LAMA4: variants seen among roughly 807,000 people sequenced by gnomAD.
The protein encoded by LAMA4 is laminin subunit alpha-4.
A neutral mutation model predicts 207.1 loss-of-function variants in LAMA4; 127 were observed. The observed-to-expected ratio is 0.61, with a 90% CI of 0.53 to 0.71. The LOEUF (loss-of-function observed/expected upper bound fraction) is 0.71, where lower values mean the gene tolerates loss of function less well. LAMA4 is among the 30% of genes least tolerant of loss of function. LAMA4 has a pLI of 0.00. For synonymous variants in LAMA4, 761 were observed against 816.0 expected (o/e 0.93, Z 1.15); for missense variants, 2,093 against 2,246.5 (o/e 0.93, Z 1.38).
At chr6:112,155,302 A>G (rs1554336651) in intron 15 of LAMA4, 1 of 569,734 alleles carries the variant, frequency 1.8e-6, no homozygotes, top group African/African-American at 1.9e-5. Context: ...AATTTTAAAT[A>G]CATATTTTTT....
At chr6:112,223,281 G>A (rs536043831) in intron 2 of LAMA4, among the ~76,000 whole-genome samples, 1 of 152,136 alleles carries the variant, frequency 6.6e-6, no homozygotes, top group African/African-American at 2.4e-5. Context: ...CGGCACACAA[G>A]GGTTAGCAAT....
chr6:112,218,710 A>G (rs181569353), intron 2 of LAMA4: 48 of 152,320 alleles, frequency 3.2e-4, no homozygotes, highest in African/African-American at 9.9e-4. Context: ...CCACTCCCCA[A>G]TCTGAGATTA....
chr6:112,232,700 T>C (rs1785642395), intron 2 of LAMA4, among the ~76,000 whole-genome samples: 1 of 152,114 alleles, frequency 6.6e-6, no homozygotes, highest in African/African-American at 2.4e-5. Context: ...GAACACAAAC[T>C]AAAGTGAAAA....
intron 3 of LAMA4, among the ~76,000 whole-genome samples, chr6:112,210,846 C>T (rs1158472260): frequency 6.6e-6 from 1 of 152,022 alleles, no homozygotes; most frequent in Non-Finnish European, 1.5e-5. Context: ...TTGATAAAAA[C>T]ATATTGTCTT....
intron 17 of LAMA4, among the ~76,000 whole-genome samples, chr6:112,150,174 C>A (rs1194853547): frequency 6.7e-6 from 1 of 150,290 alleles, no homozygotes; most frequent in African/African-American, 2.5e-5. Context: ...CATTACCAAA[C>A]ACTATAAACA....
chr6:112,203,078 G>A (rs1783851563), intron 4 of LAMA4, among the ~76,000 whole-genome samples: 1 of 152,186 alleles, frequency 6.6e-6, no homozygotes, highest in Non-Finnish European at 1.5e-5. Context: ...TCTCTGTGGC[G>A]AAGGCAGACT....
intron 2 of LAMA4, among the ~76,000 whole-genome samples, chr6:112,224,610 G>T (rs1785100853): frequency 6.6e-6 from 1 of 152,152 alleles, no homozygotes; most frequent in Non-Finnish European, 1.5e-5. Flanking sequence ...GAGGTAAGGA[G>T]TTTGAGACCA....
chr6:112,169,873 CCT>C (rs1191527874), intron 12 of LAMA4, among the ~76,000 whole-genome samples: 3 of 152,356 alleles, frequency 2.0e-5, no homozygotes, highest in African/African-American at 7.2e-5. Flanking sequence ...GCAACACTGT[CCT>C]CTTGCTTGTT....
rs1554332414 is a variant in LAMA4 at position 112,139,270 on chromosome 6, C to CGAA, written c.3131_3132insTTC (p.Gln1044delinsHisSer). Reference sequence around the variant, plus strand: ...CGAAGAAGTAACTGGCAGCCCGACTCTGAGTGAAGGCCAGCTTATCTCTGA... The same window carrying CGAA: ...CGAAGAAGTAACTGGCAGCCCGACTCGAATGAGTGAAGGCCAGCTTATCTCTGA... On this transcript the variant is annotated protein_altering_variant, in exon 24 of 39. Coordinates refer to ENST00000230538, the MANE Select transcript of LAMA4 (RefSeq NM_001105206.3). 1.2e-6 allele frequency: 2 copies of CGAA among 1,614,160 alleles called. No homozygotes were observed. The highest frequency in any genetic ancestry group is 2.2e-5 in the East Asian group (1 of 44,882).
At chr6:112,120,175 G>T in intron 33 of LAMA4, 108 bp downstream of exon 33, 2 of 894,546 alleles carry the variant, frequency 2.2e-6, no homozygotes, top group African/African-American at 1.7e-5. Context: ...GTGTGCAGCA[G>T]CAGAATTTTA....
At chr6:112,183,020 G>C (rs1782457813) in intron 9 of LAMA4, among the ~76,000 whole-genome samples, 1 of 152,174 alleles carries the variant, frequency 6.6e-6, no homozygotes, top group Non-Finnish European at 1.5e-5. Flanking sequence ...TTTAGAAAGG[G>C]AAGTTCAGAC....
At position 112,187,582 on chromosome 6, in the gene LAMA4, C is replaced by G; in HGVS notation, c.834G>C (p.Trp278Cys). ...CPTISCDKCVWDLTDDLRLAA... is the reference protein window; with the variant it reads ...CPTISCDKCVCDLTDDLRLAA... ...CTAACCGCAGGTCATCAGTCAGGTC[C>G]CAGACGCACTTATCACAGCCTGGAG... Residue 278 changes from tryptophan to cysteine, a missense_variant, in exon 8 of 39, where the codon TGG (tryptophan) becomes TGC (cysteine). Trp to Cys is a radical substitution (Grantham distance 215). This residue lies in a region of LAMA4 where 1,704 missense variants were observed against 1,788.4 expected (regional missense o/e 0.95). Transcript: ENST00000230538. 6.2e-7 allele frequency: 1 copy of G among 1,614,030 alleles called. No individual in the cohort carries two copies. The highest frequency in any genetic ancestry group is 8.5e-7 in the Non-Finnish European group (1 of 1,180,006).
intron 24 of LAMA4, 56 bp from the exon 25 acceptor site, chr6:112,136,310 A>T (rs1179468816): frequency 1.5e-6 from 2 of 1,370,932 alleles, no homozygotes; most frequent in Non-Finnish European, 2.1e-6. Flanking sequence ...GTAGAGTCAG[A>T]TTTAGCTGAA....
chr6:112,114,737 T>C lies in LAMA4; in HGVS notation c.5132A>G (p.Asn1711Ser). ...TGAGGTGGAAAAATCTCTGATGCCA[T>C]TATTGACTTTCACTATGACCTGCAA... The part of the protein sequence containing the change: ...KNGQVIVKVN[N>S]GIRDFSTSVT... Residue 1711 changes from asparagine (N) to serine (S), a missense_variant, in exon 37 of 39, where the codon AAT becomes AGT. Physicochemically the swap from Asn to Ser is conservative, Grantham distance 46 (BLOSUM62 1). This residue lies in a region of LAMA4 where 383 missense variants were observed against 437.8 expected (regional missense o/e 0.87). Coordinates refer to ENST00000230538, the MANE Select transcript of LAMA4 (RefSeq NM_001105206.3). 1 of 1,611,398 alleles carries C rather than the reference T, an allele frequency of 6.2e-7. No individual in the cohort carries two copies. Among genetic ancestry groups the C allele is most frequent in the Non-Finnish European group, 8.5e-7 (1 of 1,177,654 alleles).
intron 36 of LAMA4, 107 bp from the exon 37 acceptor site, chr6:112,114,863 C>T: frequency 1.2e-6 from 1 of 822,068 alleles, no homozygotes; most frequent in Admixed American, 1.9e-5. Context: ...CAAATATTCA[C>T]ACATGATTAG....
intron 17 of LAMA4, among the ~76,000 whole-genome samples, chr6:112,148,548 T>A (rs1335258653): frequency 6.6e-6 from 1 of 152,180 alleles, no homozygotes; most frequent in Non-Finnish European, 1.5e-5. Flanking sequence ...TCCTATAACC[T>A]GGTAAGAAAG....
At chr6:112,168,391 G>T (rs1452066921) in intron 12 of LAMA4, among the ~76,000 whole-genome samples, 2 of 142,752 alleles carry the variant, frequency 1.4e-5, no homozygotes, top group Admixed American at 1.5e-4. Flanking sequence ...TGTCACTCAG[G>T]CTAGAGTGCA....
Position 112,216,397 on chromosome 6 carries a change from C to T in LAMA4, c.268G>A (p.Glu90Lys), listed in dbSNP as rs782025303. Reference protein sequence around the residue: ...VPCDCNGNSNECLDGSGYCVH... With the variant: ...VPCDCNGNSNKCLDGSGYCVH... ...CAGTATCCTGAGCCGTCCAAACACT[C>T]GTTGGAATTGCCATTACAGTCGCAG... The change falls in exon 3 of 39, where the codon GAG becomes AAG. Residue 90 changes from glutamate to lysine, a missense_variant. Physicochemically the swap from Glu to Lys is moderately conservative, Grantham distance 56. Transcript: ENST00000230538. 16 of 1,613,638 alleles carry T rather than the reference C, an allele frequency of 9.9e-6. No homozygotes were observed. Among genetic ancestry groups the T allele is most frequent in the African/African-American group, 5.3e-5 (4 of 74,920 alleles).
At chr6:112,239,139 G>A (rs1786170281) in intron 2 of LAMA4, among the ~76,000 whole-genome samples, 1 of 151,986 alleles carries the variant, frequency 6.6e-6, no homozygotes, top group African/African-American at 2.4e-5. Flanking sequence ...TGGCCAACAT[G>A]GTGAAACCCT....
Sources: allele counts gnomAD v4.1 joint callset (sites outside exome capture counted in the v4.1 genomes callset), GRCh38; gene constraint gnomAD v4.1.1; regional missense constraint gnomAD v4.1.1; transcripts MANE v1.5; gene names NCBI Gene and HGNC (gene_info 2026-07-23, HGNC 2026-07-21).